PRDM16: variants seen among roughly 807,000 people sequenced by gnomAD.
PRDM16 encodes the protein histone-lysine N-methyltransferase PRDM16.
Under a neutral mutation model 110.6 loss-of-function variants are expected in PRDM16, and 23 were observed. That is an observed-to-expected ratio of 0.21 (90% CI 0.15 to 0.29). The LOEUF is 0.29. Among genes scored for constraint, PRDM16 ranks in the 10% least tolerant of loss-of-function variants. The probability of loss-of-function intolerance (pLI) is 1.00; values close to 1 mark genes in which losing one functional copy is unlikely to be tolerated. For synonymous variants in PRDM16, 799 were observed against 781.8 expected (o/e 1.02, Z -0.37); for missense variants, 1,615 against 1,794.3 (o/e 0.90, Z 1.81).
At chr1:3,235,512 C>A (rs1639519293) in intron 2 of PRDM16, among the ~76,000 whole-genome samples, 1 of 152,166 alleles carries the variant, frequency 6.6e-6, no homozygotes, top group Non-Finnish European at 1.5e-5. Context: ...GGACAGGGGC[C>A]TGCAGAGATC....
chr1:3,181,041 CACACGCAGTCTT>C (rs1251724857), intron 1 of PRDM16, among the ~76,000 whole-genome samples: 25 of 135,734 alleles, frequency 1.8e-4, no homozygotes, highest in African/African-American at 4.2e-4. Context: ...CGCGGTCTTA[CACACGCAGTCTT>C]ACACGCGGTC....
At chr1:3,347,103 T>C (rs1642376976) in intron 3 of PRDM16, among the ~76,000 whole-genome samples, 1 of 152,084 alleles carries the variant, frequency 6.6e-6, no homozygotes, top group African/African-American at 2.4e-5. Flanking sequence ...GCCCAGTCTT[T>C]CCGGGGAGGG....
At chr1:3,092,062 G>T (rs574321902) in intron 1 of PRDM16, among the ~76,000 whole-genome samples, 2 of 152,320 alleles carry the variant, frequency 1.3e-5, no homozygotes, top group African/African-American at 4.8e-5. Flanking sequence ...CGTGGGTAAG[G>T]GTGGACCACG....
intron 1 of PRDM16, among the ~76,000 whole-genome samples, chr1:3,173,539 A>G (rs1180074297): frequency 6.6e-6 from 1 of 151,608 alleles, no homozygotes; most frequent in Non-Finnish European, 1.5e-5. Flanking sequence ...TCGGCTGGTC[A>G]GGGGAGATTC....
Position 3,426,045 on chromosome 1 carries a change from C to T in PRDM16, c.3110-6C>T, listed in dbSNP as rs1300909185. The T allele has an allele frequency of 3.7e-6, 6 of 1,610,848 alleles. No individual in the cohort carries two copies. In the African/African-American group the frequency reaches 5.3e-5, roughly 14 times the overall value. ...GCCGCCCCCTGATGCTCCCGCCCCT[C>T]CGCAGTGAGCCAGCACCCCGGGGTC... On this transcript the variant is annotated splice_region_variant and splice_polypyrimidine_tract_variant and intron_variant, in intron 13 of 16. Transcript: ENST00000270722.
chr1:3,103,412 C>G (rs947232073), intron 1 of PRDM16, among the ~76,000 whole-genome samples: 1 of 152,236 alleles, frequency 6.6e-6, no homozygotes, highest in Non-Finnish European at 1.5e-5. Flanking sequence ...TTTAGAGACC[C>G]TCTCGCCAAA....
chr1:3,241,168 C>T (rs563272822), intron 2 of PRDM16, among the ~76,000 whole-genome samples: 1 of 152,356 alleles, frequency 6.6e-6, no homozygotes, highest in Non-Finnish European at 1.5e-5. Flanking sequence ...CCCAGGCGGG[C>T]GGTGAGATGG....
chr1:3,385,975 C>T (rs368210859), intron 4 of PRDM16, among the ~76,000 whole-genome samples: 13 of 152,334 alleles, frequency 8.5e-5, no homozygotes, highest in African/African-American at 2.2e-4. Flanking sequence ...GGGGAGAAGA[C>T]GCGGAGTCTC....
In PRDM16 at chr1:3,350,847, G is replaced by A. The variant is rs1022580831; in HGVS notation, c.439-34305G>A. 1.3e-4 allele frequency among the ~76,000 whole-genome samples: 20 copies of A among 152,170 alleles called. No homozygotes were observed. Among genetic ancestry groups the A allele is most frequent in the African/African-American group, 4.8e-4 (20 of 41,438 alleles). ...GCCAGGTGGGTGGGGCCCAGCCAGC[G>A]CCAGGCACTTCTGGCTGGGGGATAT... On this transcript the variant is annotated intron_variant, in intron 3 of 16. Coordinates refer to ENST00000270722, the MANE Select transcript of PRDM16 (RefSeq NM_022114.4). The surrounding 1 kb of genome is among the most constrained non-coding windows in gnomAD (Gnocchi z 7.1).
At chr1:3,286,499 G>A (rs1249836587) in intron 3 of PRDM16, among the ~76,000 whole-genome samples, 1 of 152,110 alleles carries the variant, frequency 6.6e-6, no homozygotes, top group Non-Finnish European at 1.5e-5. Context: ...TCCTCTTGGT[G>A]GCACCTCCTC....
intron 8 of PRDM16, among the ~76,000 whole-genome samples, chr1:3,406,345 G>A (rs1323219295): frequency 1.3e-5 from 2 of 152,152 alleles, no homozygotes; most frequent in Non-Finnish European, 2.9e-5. Context: ...CACAAGGAGA[G>A]TGAGCCCTGG....
chr1:3,327,477 C>T (rs928702153), intron 3 of PRDM16, among the ~76,000 whole-genome samples: 2 of 152,228 alleles, frequency 1.3e-5, no homozygotes, highest in African/African-American at 4.8e-5. Context: ...GCTCATCCCA[C>T]GGTCAGGACC....
rs1639739824 is a variant in PRDM16, at chr1:3,244,321, G to A, written c.438+184G>A. Among the ~76,000 whole-genome samples, 3 of 152,250 alleles carry A rather than the reference G, an allele frequency of 2.0e-5. No individual in the cohort carries two copies. Among genetic ancestry groups the A allele is most frequent in the South Asian group, 4.2e-4 (2 of 4,816 alleles). On this transcript the variant is annotated intron_variant, in intron 3 of 16. Transcript: ENST00000270722. This position sits in a 1 kb window ranked among gnomAD's most constrained non-coding sequence, Gnocchi z 4.1. ...AGGACGGTGGCTTTGCTGTCATTAG[G>A]AGGGATGGGGAGGTGGGGGTCATGT...
At chr1:3,320,837 C>G (rs1019561297) in intron 3 of PRDM16, among the ~76,000 whole-genome samples, 2 of 152,210 alleles carry the variant, frequency 1.3e-5, no homozygotes, top group Non-Finnish European at 1.5e-5. Context: ...AGCTGGGGCT[C>G]CAGCCAAGTC....
At chr1:3,258,525 T>G (rs1010496234) in intron 3 of PRDM16, among the ~76,000 whole-genome samples, 4 of 152,242 alleles carry the variant, frequency 2.6e-5, no homozygotes, top group African/African-American at 9.6e-5. Context: ...AACAAGATGT[T>G]TCTCCAGTAT....
intron 1 of PRDM16, among the ~76,000 whole-genome samples, chr1:3,181,306 A>ACGGTCTTACACACG (rs1557508648): frequency 5.5e-5 from 7 of 126,654 alleles, no homozygotes; most frequent in African/African-American, 1.4e-4. Flanking sequence ...AGTCTTACAC[A>ACGGTCTTACACACG]CGGTCTTACA....
At position 3,433,804 on chromosome 1, in the gene PRDM16, A is replaced by G; in HGVS notation, c.3824A>G (p.His1275Arg). 6.2e-7 allele frequency: 1 copy of G among 1,612,354 alleles called. No homozygotes were observed. The highest frequency in any genetic ancestry group is 8.5e-7 in the Non-Finnish European group (1 of 1,179,690). ...TCTGGAGCATTTCACCCCATCAACC[A>G]CCTCTGACGGGCTGGGCAGCCGGGG... ...SESGAFHPIN[H>R]L The change falls in exon 17 of 17, where the codon CAC becomes CGC. Residue 1275 changes from histidine (H) to arginine (R), a missense_variant. His to Arg is a conservative substitution (Grantham distance 29). Around this residue, in one of 5 missense-constraint regions of PRDM16, gnomAD observed 327 missense variants for 359.3 expected, o/e 0.91. Coordinates refer to ENST00000270722, the MANE Select transcript of PRDM16 (RefSeq NM_022114.4).
chr1:3,272,606 G>A (rs1457284767), intron 3 of PRDM16, among the ~76,000 whole-genome samples: 1 of 152,246 alleles, frequency 6.6e-6, no homozygotes, highest in Non-Finnish European at 1.5e-5. Context: ...CTCCACCCCA[G>A]CTCCCGTGTG....
intron 4 of PRDM16, among the ~76,000 whole-genome samples, chr1:3,387,410 G>A (rs1420966071): frequency 6.6e-6 from 1 of 152,210 alleles, no homozygotes; most frequent in Non-Finnish European, 1.5e-5. Flanking sequence ...GCACATTTAA[G>A]CAAATGCAAC....
Sources: gnomAD v4.1 joint callset for allele counts (sites outside exome capture counted in the v4.1 genomes callset) on GRCh38, gnomAD v4.1.1 for gene constraint, gnomAD v4.1.1 regional missense constraint, Gnocchi (gnomAD v3.1) non-coding constraint, MANE v1.5 for transcripts, NCBI Gene and HGNC (gene_info 2026-07-23, HGNC 2026-07-21) for gene names.